The following RBFOX1 variants were observed in gnomAD, a reference collection of about 807,000 sequenced individuals.
The protein encoded by RBFOX1 is RNA binding protein fox-1 homolog 1.
RBFOX1 carries 8 observed loss-of-function variants against 57.7 expected under a neutral mutation model. The observed-to-expected ratio is 0.14, with a 90% CI of 0.08 to 0.25. The LOEUF (loss-of-function observed/expected upper bound fraction) is 0.25, where lower values mean the gene tolerates loss of function less well. Among genes scored for constraint, RBFOX1 ranks in the 10% least tolerant of loss-of-function variants. The pLI, the probability that RBFOX1 is intolerant of heterozygous loss-of-function variation, is 1.00. For synonymous variants in RBFOX1, 326 were observed against 222.4 expected, an observed-to-expected ratio of 1.47 and a Z score of -4.15; for missense variants, 611 against 548.5, an observed-to-expected ratio of 1.11 and a Z score of -1.14.
intron 2 of RBFOX1, among the ~76,000 whole-genome samples, chr16:6,503,257 A>G (rs757129298): frequency 1.9e-4 from 29 of 152,120 alleles, no homozygotes; most frequent in Middle Eastern, 6.3e-3. Flanking sequence ...GCCCCCAAAT[A>G]TCTATACTTA....
chr16:7,423,068 A>C (rs2098557772), intron 4 of RBFOX1: 1 of 146,670 alleles, frequency 6.8e-6, no homozygotes, highest in African/African-American at 2.6e-5. Flanking sequence ...TGTCTCTGAA[A>C]CTAGGAGAGA....
chr16:5,302,334 A>G (rs778365554), intron 1 of RBFOX1, among the ~76,000 whole-genome samples: 4 of 152,214 alleles, frequency 2.6e-5, no homozygotes, highest in Non-Finnish European at 5.9e-5. Flanking sequence ...TAATGAGACT[A>G]GCTTTATGGA....
At chr16:6,559,717 G>C (rs898838060) in intron 2 of RBFOX1, among the ~76,000 whole-genome samples, 1 of 151,964 alleles carries the variant, frequency 6.6e-6, no homozygotes, top group Admixed American at 6.6e-5. Flanking sequence ...TCTATAATCT[G>C]TGTGTGTCTA....
chr16:7,181,171 T>A (rs921706479), intron 4 of RBFOX1, among the ~76,000 whole-genome samples: 1 of 152,076 alleles, frequency 6.6e-6, no homozygotes, highest in Non-Finnish European at 1.5e-5. Context: ...GCCTTGTGGT[T>A]CAAAGACTTC....
chr16:7,105,395 G>C (rs978172046), intron 4 of RBFOX1, among the ~76,000 whole-genome samples: 4 of 150,918 alleles, frequency 2.7e-5, no homozygotes, highest in South Asian at 2.1e-4. Flanking sequence ...AAGTTCTTCA[G>C]TGGTGATTTG....
intron 1 of RBFOX1, among the ~76,000 whole-genome samples, chr16:5,331,734 C>T (rs891903757): frequency 6.6e-6 from 1 of 152,236 alleles, no homozygotes; most frequent in African/African-American, 2.4e-5. Flanking sequence ...GGGGACCATT[C>T]CTGTAATTCC....
At chr16:6,785,238 C>G (rs1049035416) in intron 3 of RBFOX1, among the ~76,000 whole-genome samples, 35 of 152,032 alleles carry the variant, frequency 2.3e-4, no homozygotes, top group African/African-American at 7.7e-4. Context: ...CCAGTCCGTT[C>G]GTAACTAACA....
intron 1 of RBFOX1, among the ~76,000 whole-genome samples, chr16:6,100,651 T>C (rs971849874): frequency 2.6e-5 from 4 of 152,242 alleles, no homozygotes; most frequent in Non-Finnish European, 4.4e-5. Flanking sequence ...GTCCATACTT[T>C]CCATACATTG....
chr16:5,863,479 G>A (rs754593537), intron 3 of RBFOX1, among the ~76,000 whole-genome samples: 1 of 152,198 alleles, frequency 6.6e-6, no homozygotes, highest in Non-Finnish European at 1.5e-5. Context: ...CCTCCAGCAG[G>A]CCTCTGCGGT....
chr16:5,438,821 C>T (rs540781305), intron 1 of RBFOX1, among the ~76,000 whole-genome samples: 3 of 152,072 alleles, frequency 2.0e-5, no homozygotes, highest in Non-Finnish European at 4.4e-5. Context: ...AGCCATCTTG[C>T]ACTCTTTAGG....
intron 3 of RBFOX1, among the ~76,000 whole-genome samples, chr16:6,828,139 T>A (rs2092374954): frequency 6.6e-6 from 1 of 152,152 alleles, no homozygotes; most frequent in South Asian, 2.1e-4. Flanking sequence ...GGAAGCAATT[T>A]GGCTTAAGGA....
chr16:6,596,368 A>G lies in RBFOX1; in HGVS notation c.-63-58235A>G, dbSNP rs1300325505. Among the ~76,000 whole-genome samples, 13 of 152,056 alleles carry G rather than the reference A, an allele frequency of 8.5e-5. 1 individual carries two copies. The highest frequency in any genetic ancestry group is 4.4e-5 in the Non-Finnish European group (3 of 68,006). On this transcript the variant is annotated intron_variant, in intron 2 of 15. Transcript: ENST00000550418. Reference sequence around the variant, plus strand: ...CCCAGCACCATTCATTGAAAATCCTATTTTCTCACTGAATTGACTAGGTAC... The same window carrying G: ...CCCAGCACCATTCATTGAAAATCCTGTTTTCTCACTGAATTGACTAGGTAC...
intron 4 of RBFOX1, among the ~76,000 whole-genome samples, chr16:7,082,185 A>G (rs549804134): frequency 6.6e-6 from 1 of 152,242 alleles, no homozygotes; most frequent in East Asian, 1.9e-4. Flanking sequence ...TATTTTAGCT[A>G]CTGCAACATT....
intron 4 of RBFOX1, among the ~76,000 whole-genome samples, chr16:7,478,607 G>A (rs1031553611): frequency 1.3e-5 from 2 of 152,244 alleles, no homozygotes; most frequent in East Asian, 1.9e-4. Context: ...ACACAAACTG[G>A]ATTGGTCACC....
At chr16:6,937,835 G>T (rs896579771) in intron 3 of RBFOX1, among the ~76,000 whole-genome samples, 1 of 151,920 alleles carries the variant, frequency 6.6e-6, no homozygotes, top group Non-Finnish European at 1.5e-5. Context: ...CAGACTTAAG[G>T]TCTGTGTTGA....
At chr16:7,393,405 A>C (rs1338051518) in intron 4 of RBFOX1, among the ~76,000 whole-genome samples, 1 of 152,182 alleles carries the variant, frequency 6.6e-6, no homozygotes, top group Non-Finnish European at 1.5e-5. Flanking sequence ...TGAAAAACCC[A>C]ACTATAATAT....
chr16:6,240,866 T>C (rs2097536459), intron 1 of RBFOX1, among the ~76,000 whole-genome samples: 1 of 152,186 alleles, frequency 6.6e-6, no homozygotes, highest in African/African-American at 2.4e-5. Context: ...TTTCCCTTTT[T>C]CAATTTACTT....
At chr16:5,721,362 TG>T (rs1476731418) in intron 3 of RBFOX1, among the ~76,000 whole-genome samples, 1 of 152,164 alleles carries the variant, frequency 6.6e-6, no homozygotes, top group Admixed American at 6.5e-5. Context: ...TGTGGGTATG[TG>T]GGTGCGGATT....
At chr16:6,644,885 G>T (rs2098521211) in intron 2 of RBFOX1, among the ~76,000 whole-genome samples, 1 of 152,306 alleles carries the variant, frequency 6.6e-6, no homozygotes, top group East Asian at 1.9e-4. Flanking sequence ...CATCCTGCAA[G>T]AGAGATCAGC....
Sources: gnomAD v4.1 joint callset for allele counts (sites outside exome capture counted in the v4.1 genomes callset) on GRCh38, gnomAD v4.1.1 for gene constraint, MANE v1.5 for transcripts, NCBI Gene and HGNC (gene_info 2026-07-23, HGNC 2026-07-21) for gene names.